MAGI2: variants seen among roughly 807,000 people sequenced by gnomAD.
The protein encoded by MAGI2 is membrane associated guanylate kinase, WW and PDZ domain containing 2.
In MAGI2, 35 loss-of-function variants were observed where a neutral mutation model predicts 133.3. That is an observed-to-expected ratio of 0.26 (90% CI 0.20 to 0.35). MAGI2 has a LOEUF of 0.35. MAGI2 is among the 10% of genes least tolerant of loss of function. The pLI, the probability that MAGI2 is intolerant of heterozygous loss-of-function variation, is 1.00. For synonymous variants in MAGI2, 729 were observed against 710.6 expected (o/e 1.03, Z -0.41); for missense variants, 1,636 against 1,863.4 (o/e 0.88, Z 2.25).
intron 1 of MAGI2, among the ~76,000 whole-genome samples, chr7:79,057,785 G>A (rs1158708135): frequency 1.3e-5 from 2 of 152,110 alleles, no homozygotes; most frequent in Non-Finnish European, 1.5e-5. Flanking sequence ...GAAATCTGAA[G>A]AGCATGTTAA....
chr7:78,893,766 A>C (rs1177465425), intron 2 of MAGI2, among the ~76,000 whole-genome samples: 1 of 152,130 alleles, frequency 6.6e-6, no homozygotes, highest in Non-Finnish European at 1.5e-5. Context: ...TAGGAGATAT[A>C]CCTAATGTTA....
chr7:78,383,967 A>G (rs1261154486), intron 6 of MAGI2, among the ~76,000 whole-genome samples: 1 of 152,062 alleles, frequency 6.6e-6, no homozygotes, highest in African/African-American at 2.4e-5. Flanking sequence ...CCATTTTTAT[A>G]CCAATACCAT....
intron 9 of MAGI2, among the ~76,000 whole-genome samples, chr7:78,286,301 G>A (rs1041028007): frequency 2.4e-4 from 37 of 152,070 alleles, no homozygotes; most frequent in African/African-American, 8.9e-4. Context: ...ACTTTTAAAA[G>A]ATATTTTTCT....
chr7:78,701,555 C>T (rs563501031), intron 2 of MAGI2, among the ~76,000 whole-genome samples: 1 of 151,970 alleles, frequency 6.6e-6, no homozygotes, highest in East Asian at 1.9e-4. Flanking sequence ...ACTAAGTTCA[C>T]AGAAAAGGTG....
intron 6 of MAGI2, among the ~76,000 whole-genome samples, chr7:78,379,721 T>C (rs2151288577): frequency 6.6e-6 from 1 of 152,144 alleles, no homozygotes; most frequent in South Asian, 2.1e-4. Flanking sequence ...TCTTTCTCTT[T>C]CCAATTTCAT....
At chr7:78,744,304 CATT>C (rs1253516545) in intron 2 of MAGI2, among the ~76,000 whole-genome samples, 4 of 152,054 alleles carry the variant, frequency 2.6e-5, no homozygotes, top group African/African-American at 9.7e-5. Context: ...TGTTTAGTAT[CATT>C]AGTTTTCATC....
intron 9 of MAGI2, among the ~76,000 whole-genome samples, chr7:78,285,168 C>T (rs148252922): frequency 6.6e-6 from 1 of 152,034 alleles, no homozygotes; most frequent in African/African-American, 2.4e-5. Context: ...GCAAAACTTG[C>T]ACTCCAACAA....
intron 1 of MAGI2, among the ~76,000 whole-genome samples, chr7:79,328,704 A>C (rs1839865965): frequency 6.6e-6 from 1 of 152,130 alleles, no homozygotes; most frequent in East Asian, 1.9e-4. Context: ...CTAGGTTGAG[A>C]GTGATCTTAG....
intron 1 of MAGI2, among the ~76,000 whole-genome samples, chr7:79,318,293 T>C (rs1838899700): frequency 1.3e-5 from 2 of 152,048 alleles, no homozygotes; most frequent in Admixed American, 1.3e-4. Flanking sequence ...TAATCATCAG[T>C]AGGTTGAGGA....
At chr7:78,919,301 G>C (rs1396894122) in intron 2 of MAGI2, among the ~76,000 whole-genome samples, 1 of 152,010 alleles carries the variant, frequency 6.6e-6, no homozygotes, top group Admixed American at 6.6e-5. Flanking sequence ...GCAAGTGTAT[G>C]AATTCATTAA....
At chr7:78,158,855 G>T (rs1165749976) in intron 16 of MAGI2, among the ~76,000 whole-genome samples, 1 of 151,962 alleles carries the variant, frequency 6.6e-6, no homozygotes, top group African/African-American at 2.4e-5. Context: ...TTGCTCCTGG[G>T]GATAACATCA....
At chr7:79,101,736 A>G (rs1015030994) in intron 1 of MAGI2, among the ~76,000 whole-genome samples, 11 of 150,192 alleles carry the variant, frequency 7.3e-5, no homozygotes, top group Admixed American at 4.6e-4. Flanking sequence ...AAAAAAAAAA[A>G]AAAAGAAAAA....
chr7:79,309,541 A>G (rs759112758), intron 1 of MAGI2, among the ~76,000 whole-genome samples: 3 of 151,936 alleles, frequency 2.0e-5, no homozygotes, highest in Non-Finnish European at 4.4e-5. Flanking sequence ...TTATTGGAAA[A>G]CTTCAGTGAG....
chr7:78,781,101 G>A (rs912803589), intron 2 of MAGI2, among the ~76,000 whole-genome samples: 1 of 152,076 alleles, frequency 6.6e-6, no homozygotes, highest in Non-Finnish European at 1.5e-5. Flanking sequence ...AGGGATGGCC[G>A]GGCAGGGTGG....
chr7:78,636,323 A>G (rs1809631636), intron 2 of MAGI2, among the ~76,000 whole-genome samples: 1 of 150,796 alleles, frequency 6.6e-6, no homozygotes, highest in South Asian at 2.1e-4. Context: ...GCATATACTA[A>G]CAATGTTAGG....
At chr7:78,712,311 T>G (rs1475760966) in intron 2 of MAGI2, among the ~76,000 whole-genome samples, 1 of 152,156 alleles carries the variant, frequency 6.6e-6, no homozygotes, top group African/African-American at 2.4e-5. Context: ...TGCCTGGCAC[T>G]CTGAGGAAGC....
chr7:78,712,281 T>C (rs1819271167), intron 2 of MAGI2, among the ~76,000 whole-genome samples: 1 of 152,186 alleles, frequency 6.6e-6, no homozygotes. Context: ...TTGTTCTGTC[T>C]GACTCCCCCA....
At chr7:78,285,125 T>TC (rs1796014338) in intron 9 of MAGI2, among the ~76,000 whole-genome samples, 1 of 151,892 alleles carries the variant, frequency 6.6e-6, no homozygotes, top group African/African-American at 2.4e-5. Context: ...AAGCACTGTT[T>TC]CTAGTACATG....
intron 7 of MAGI2, among the ~76,000 whole-genome samples, chr7:78,349,344 T>C (rs555657357): frequency 1.3e-5 from 2 of 152,326 alleles, no homozygotes; most frequent in Admixed American, 1.3e-4. Context: ...CTTTGAAATG[T>C]ACTAGGATAT....
Sources: allele counts gnomAD v4.1 joint callset (sites outside exome capture counted in the v4.1 genomes callset), GRCh38; gene constraint gnomAD v4.1.1; transcripts MANE v1.5; gene names NCBI Gene and HGNC (gene_info 2026-07-23, HGNC 2026-07-21).